Variants in OR51B5 observed in about 807,000 individuals in gnomAD.
The protein encoded by OR51B5 is olfactory receptor 51B5.
For missense variants in OR51B5, 456 were observed against 374.6 expected (o/e 1.22, Z -1.79); for synonymous variants, 186 against 144.8 (o/e 1.28, Z -2.04).
At chr11:5,403,474 T>G in intron 1 of OR51B5, 1 of 471,746 alleles carries the variant, frequency 2.1e-6, no homozygotes, top group Non-Finnish European at 4.4e-6. Context: ...AATCCTATTG[T>G]CTACAGCATT....
At chr11:5,387,522 G>C (rs1028861802) in intron 1 of OR51B5, among the ~76,000 whole-genome samples, 15 of 151,808 alleles carry the variant, frequency 9.9e-5, no homozygotes, top group Non-Finnish European at 2.1e-4. Flanking sequence ...CTCTCAACTC[G>C]AAGCTCACAA....
chr11:5,350,788 T>G (rs777096778), intron 1 of OR51B5, among the ~76,000 whole-genome samples: 1 of 152,184 alleles, frequency 6.6e-6, no homozygotes, highest in South Asian at 2.1e-4. Flanking sequence ...TATCAATAAC[T>G]AGGGTTATAA....
At chr11:5,484,083 A>C (rs899243137) in intron 1 of OR51B5, among the ~76,000 whole-genome samples, 1 of 152,112 alleles carries the variant, frequency 6.6e-6, no homozygotes, top group African/African-American at 2.4e-5. Context: ...CTTTACACCG[A>C]GGTCCAACTT....
At chr11:5,363,090 A>T (rs1291996657) in intron 1 of OR51B5, among the ~76,000 whole-genome samples, 2 of 152,080 alleles carry the variant, frequency 1.3e-5, no homozygotes, top group Non-Finnish European at 2.9e-5. Flanking sequence ...TCTGAGTGGC[A>T]TTCCTCCATG....
intron 1 of OR51B5, among the ~76,000 whole-genome samples, chr11:5,495,198 T>C (rs1194927337): frequency 6.6e-6 from 1 of 152,082 alleles, no homozygotes; most frequent in Non-Finnish European, 1.5e-5. Context: ...AGACCAGCCA[T>C]ACAAGAAATG....
intron 1 of OR51B5, among the ~76,000 whole-genome samples, chr11:5,381,751 C>G (rs925772306): frequency 6.6e-6 from 1 of 152,080 alleles, no homozygotes; most frequent in Non-Finnish European, 1.5e-5. Context: ...TCATTTAGAG[C>G]AATAAAGAAT....
At chr11:5,464,961 C>T (rs1444953033) in intron 1 of OR51B5, among the ~76,000 whole-genome samples, 1 of 152,136 alleles carries the variant, frequency 6.6e-6, no homozygotes, top group African/African-American at 2.4e-5. Context: ...AATCCCAGCA[C>T]TTTGGGAGGC....
exon 1 of OR51B5, chr11:5,505,580 G>T: frequency 6.8e-6 from 6 of 883,204 alleles, no homozygotes; most frequent in Non-Finnish European, 9.0e-6. Context: ...GTTCCACATA[G>T]CTGGGGAGGC....
intron 1 of OR51B5, among the ~76,000 whole-genome samples, chr11:5,400,723 T>C (rs1487771411): frequency 6.6e-6 from 1 of 152,200 alleles, no homozygotes; most frequent in Non-Finnish European, 1.5e-5. Flanking sequence ...CTGTGAGCTG[T>C]GGTTGAAAGT....
At chr11:5,448,767 A>C (rs1850804927) in intron 1 of OR51B5, among the ~76,000 whole-genome samples, 1 of 152,200 alleles carries the variant, frequency 6.6e-6, no homozygotes, top group Non-Finnish European at 1.5e-5. Flanking sequence ...AGAAGCCAAA[A>C]ACCAGAGTTA....
chr11:5,423,202 G>C (rs759449875), intron 1 of OR51B5: 7 of 1,483,082 alleles, frequency 4.7e-6, no homozygotes, highest in Non-Finnish European at 6.3e-6. Context: ...ATAGGCTTAA[G>C]GGGGGAATAT....
chr11:5,488,791 T>C, intron 1 of OR51B5: 2 of 1,614,080 alleles, frequency 1.2e-6, no homozygotes, highest in South Asian at 1.1e-5. Flanking sequence ...TGCCCACTTC[T>C]GGATTGCCAT....
intron 1 of OR51B5, among the ~76,000 whole-genome samples, chr11:5,407,785 A>G (rs1390341311): frequency 6.6e-6 from 1 of 151,960 alleles, no homozygotes; most frequent in Non-Finnish European, 1.5e-5. Context: ...AATGTTATTC[A>G]AAATATCCTT....
chr11:5,478,265 C>G (rs905937326), intron 1 of OR51B5, among the ~76,000 whole-genome samples: 4 of 152,160 alleles, frequency 2.6e-5, no homozygotes, highest in East Asian at 1.9e-4. Context: ...ACACCTCACA[C>G]GGCAGGGTAT....
intron 1 of OR51B5, chr11:5,454,576 A>T (rs1590005129): frequency 3.2e-6 from 2 of 627,338 alleles, no homozygotes; most frequent in Middle Eastern, 3.0e-4. Flanking sequence ...ACACAAAACA[A>T]GGAGTTCCAA....
intron 1 of OR51B5, among the ~76,000 whole-genome samples, chr11:5,394,178 A>C (rs1042142262): frequency 6.6e-6 from 1 of 152,150 alleles, no homozygotes; most frequent in Non-Finnish European, 1.5e-5. Context: ...CACATATTAT[A>C]ACCTAGGTAT....
At chr11:5,483,788 A>G (rs1026788009) in intron 1 of OR51B5, among the ~76,000 whole-genome samples, 1 of 152,176 alleles carries the variant, frequency 6.6e-6, no homozygotes, top group African/African-American at 2.4e-5. Flanking sequence ...CACATCACAG[A>G]AAGTCAATAA....
chr11:5,452,184 G>A (rs1850862752), intron 1 of OR51B5, among the ~76,000 whole-genome samples: 1 of 151,938 alleles, frequency 6.6e-6, no homozygotes, highest in Non-Finnish European at 1.5e-5. Flanking sequence ...AGAGTATGAG[G>A]ACAAGATCTA....
At chr11:5,352,071 T>C (rs1457888164) in intron 1 of OR51B5, 1 of 1,614,054 alleles carries the variant, frequency 6.2e-7, no homozygotes, top group African/African-American at 1.3e-5. Context: ...TAGCCTGTGC[T>C]GACATCACCT....
Sources: allele counts gnomAD v4.1 joint callset (sites outside exome capture counted in the v4.1 genomes callset), GRCh38; gene constraint gnomAD v4.1.1; transcripts MANE v1.5; gene names NCBI Gene and HGNC (gene_info 2026-07-23, HGNC 2026-07-21).